Variants in IGSF21 observed in about 807,000 individuals in gnomAD.
IGSF21 encodes the protein immunoglobin superfamily member 21.
A neutral mutation model predicts 46.8 loss-of-function variants in IGSF21; 28 were observed. The observed-to-expected ratio is 0.60, with a 90% CI of 0.44 to 0.82. The LOEUF is 0.82. Ranked by LOEUF, IGSF21 falls within the 40% of genes least tolerant of loss-of-function variation. IGSF21 has a pLI of 0.00. For missense variants in IGSF21, 624 were observed against 665.5 expected (o/e 0.94, Z 0.69); for synonymous variants, 284 against 273.6 (o/e 1.04, Z -0.38).
At chr1:18,212,545 C>T (rs955505715) in intron 1 of IGSF21, among the ~76,000 whole-genome samples, 2 of 152,218 alleles carry the variant, frequency 1.3e-5, no homozygotes, top group African/African-American at 4.8e-5. Context: ...GGAGTAGGGA[C>T]TTGCCCTTTG....
At chr1:18,214,501 G>T (rs1171206214) in intron 1 of IGSF21, among the ~76,000 whole-genome samples, 1 of 152,154 alleles carries the variant, frequency 6.6e-6, no homozygotes, top group Non-Finnish European at 1.5e-5. Context: ...GTCCAGGCTG[G>T]GCCAGTTGAA....
intron 3 of IGSF21, among the ~76,000 whole-genome samples, chr1:18,326,923 T>G (rs916475627): frequency 2.0e-5 from 3 of 151,944 alleles, no homozygotes; most frequent in African/African-American, 7.3e-5. Context: ...GTGGCAAGAA[T>G]GAAGACAAAA....
intron 1 of IGSF21, among the ~76,000 whole-genome samples, chr1:18,178,899 A>C (rs2086830446): frequency 6.6e-6 from 1 of 152,238 alleles, no homozygotes; most frequent in South Asian, 2.1e-4. Flanking sequence ...CTAAGGGCAT[A>C]AGTTAGATAA....
At chr1:18,201,223 C>T (rs753114920) in intron 1 of IGSF21, among the ~76,000 whole-genome samples, 4 of 152,078 alleles carry the variant, frequency 2.6e-5, no homozygotes, top group East Asian at 1.9e-4. Context: ...GGACTGAGCG[C>T]GTGCTCAGGG....
At chr1:18,307,265 G>A (rs1044139239) in intron 3 of IGSF21, among the ~76,000 whole-genome samples, 10 of 152,022 alleles carry the variant, frequency 6.6e-5, no homozygotes, top group African/African-American at 2.2e-4. Context: ...AGGGGCTTTC[G>A]AACACTTTAA....
intron 1 of IGSF21, among the ~76,000 whole-genome samples, chr1:18,197,723 T>G (rs897179819): frequency 1.1e-4 from 17 of 152,244 alleles, no homozygotes; most frequent in African/African-American, 3.4e-4. Context: ...CTTGGGTATG[T>G]GACTTTATCT....
chr1:18,122,014 C>T (rs1047789411), intron 1 of IGSF21, among the ~76,000 whole-genome samples: 1 of 152,260 alleles, frequency 6.6e-6, no homozygotes, highest in Admixed American at 6.5e-5. Flanking sequence ...ACCCATGAGT[C>T]TCATTTGCCT....
At chr1:18,128,439 G>T (rs781140118) in intron 1 of IGSF21, among the ~76,000 whole-genome samples, 10 of 152,194 alleles carry the variant, frequency 6.6e-5, no homozygotes, top group Non-Finnish European at 1.5e-4. Context: ...GCGTATGTTT[G>T]TAGCTGATTC....
chr1:18,155,159 C>T (rs1046135601), intron 1 of IGSF21, among the ~76,000 whole-genome samples: 3 of 152,040 alleles, frequency 2.0e-5, no homozygotes, highest in African/African-American at 7.2e-5. Context: ...TGTGCATGCA[C>T]TTGGATTTTG....
intron 1 of IGSF21, among the ~76,000 whole-genome samples, chr1:18,193,474 G>A (rs1471644552): frequency 6.6e-6 from 1 of 152,178 alleles, no homozygotes; most frequent in East Asian, 1.9e-4. Context: ...TGCAGGCTGA[G>A]GAGCCAGGAG....
Position 18,273,464 on chromosome 1 carries a change from CTT to C in IGSF21, c.184-18400_184-18399del, listed in dbSNP as rs1282413694. ...TTTCTCACTTTCTTTCTTTCTCTCT[CTT>C]TCTTTCTTTCTTTCTTTCTTTCTTT... On this transcript the variant is annotated intron_variant, in intron 2 of 9. Transcript: ENST00000251296. Among the ~76,000 whole-genome samples the C allele has an allele frequency of 7.9e-3, 95 of 12,052 alleles. 4 individuals are homozygous for C. Among genetic ancestry groups the C allele is most frequent in the Admixed American group, 0.058 (30 of 516 alleles). The allele number at this position is 12,052 out of a possible 152,430, so 7.9% of individuals were successfully genotyped here.
intron 1 of IGSF21, among the ~76,000 whole-genome samples, chr1:18,190,741 A>C (rs991287674): frequency 1.7e-4 from 26 of 152,168 alleles, no homozygotes; most frequent in Admixed American, 1.3e-3. Context: ...GGAGCCAGCC[A>C]CTGGCCAGCT....
At chr1:18,206,475 C>G (rs754015422) in intron 1 of IGSF21, among the ~76,000 whole-genome samples, 1 of 150,312 alleles carries the variant, frequency 6.7e-6, no homozygotes, top group South Asian at 2.1e-4. Context: ...CTTGAGCCCA[C>G]GAGTTCAAGG....
At chr1:18,336,693 C>T (rs536147846) in intron 4 of IGSF21, among the ~76,000 whole-genome samples, 1 of 152,186 alleles carries the variant, frequency 6.6e-6, no homozygotes, top group East Asian at 1.9e-4. Flanking sequence ...ACCAAAGAAC[C>T]CTGAGCAGGT....
intron 1 of IGSF21, among the ~76,000 whole-genome samples, chr1:18,182,343 AT>A (rs571410280): frequency 1.3e-5 from 2 of 151,788 alleles, no homozygotes; most frequent in African/African-American, 4.8e-5. Context: ...CATCCGGCTA[AT>A]TTTTTTGTAT....
At chr1:18,206,393 T>C (rs1179309229) in intron 1 of IGSF21, among the ~76,000 whole-genome samples, 3 of 151,316 alleles carry the variant, frequency 2.0e-5, no homozygotes, top group Non-Finnish European at 4.4e-5. Flanking sequence ...CTACAAGCAA[T>C]AAAAAATTAA....
At chr1:18,121,405 T>G (rs1157822670) in intron 1 of IGSF21, among the ~76,000 whole-genome samples, 1 of 152,192 alleles carries the variant, frequency 6.6e-6, no homozygotes, top group Non-Finnish European at 1.5e-5. Context: ...GTGGCTTTTC[T>G]CACGATCCTC....
chr1:18,154,986 G>T (rs987500474), intron 1 of IGSF21, among the ~76,000 whole-genome samples: 5 of 151,964 alleles, frequency 3.3e-5, no homozygotes, highest in Admixed American at 3.3e-4. Flanking sequence ...GGCAAATGGG[G>T]GGCTCACTTA....
intron 1 of IGSF21, among the ~76,000 whole-genome samples, chr1:18,146,494 G>A (rs2086467971): frequency 6.6e-6 from 1 of 152,132 alleles, no homozygotes; most frequent in Admixed American, 6.5e-5. Flanking sequence ...TGGGATCACT[G>A]CTCCAACGCA....
Sources: gnomAD v4.1 joint callset for allele counts (sites outside exome capture counted in the v4.1 genomes callset) on GRCh38, gnomAD v4.1.1 for gene constraint, MANE v1.5 for transcripts, NCBI Gene and HGNC (gene_info 2026-07-23, HGNC 2026-07-21) for gene names.